Variants in CLASP1 observed in about 807,000 individuals in gnomAD.
CLASP1 encodes cytoplasmic linker associated protein 1.
A neutral mutation model predicts 192.3 loss-of-function variants in CLASP1; 38 were observed. The observed-to-expected ratio is 0.20, with a 90% CI of 0.15 to 0.26. CLASP1 has a LOEUF of 0.26. Ranked by LOEUF, CLASP1 falls within the 10% of genes least tolerant of loss-of-function variation. The pLI is 1.00. For synonymous variants in CLASP1, 691 were observed against 712.8 expected, an observed-to-expected ratio of 0.97 and a Z score of 0.49; for missense variants, 1,433 against 1,932.5, an observed-to-expected ratio of 0.74 and a Z score of 4.85.
rs2075308676 is a variant in CLASP1, at chr2:121,396,514, G to GT, written c.3123+625dup. Among the ~76,000 whole-genome samples, 4 of 152,328 alleles carry GT rather than the reference G, an allele frequency of 2.6e-5. No homozygotes were observed. The South Asian group carries it at 8.3e-4, about 32-fold the overall frequency. ...TGTTCTGATTAGAATAATAAGGACAGTAAGTCCTAGTTCAAATATTCTAAT... is the reference window on the plus strand; with the variant it reads ...TGTTCTGATTAGAATAATAAGGACAGTTAAGTCCTAGTTCAAATATTCTAAT... On this transcript the variant is annotated intron_variant, in intron 30 of 39. Coordinates refer to ENST00000263710, the Ensembl canonical transcript of CLASP1.
chr2:121,362,719 C>T (rs1011640847), intron 37 of CLASP1, among the ~76,000 whole-genome samples: 2 of 152,232 alleles, frequency 1.3e-5, no homozygotes, highest in Non-Finnish European at 2.9e-5. Flanking sequence ...ATTTTACACA[C>T]AAGGAAACGG....
At chr2:121,479,016 C>CCA (rs752871583) in intron 8 of CLASP1, among the ~76,000 whole-genome samples, 23 of 63,894 alleles carry the variant, frequency 3.6e-4, no homozygotes, top group Non-Finnish European at 4.5e-4. Flanking sequence ...CACACACACA[C>CCA]CACACACACA....
chr2:121,506,736 C>T (rs1027806814), intron 7 of CLASP1, among the ~76,000 whole-genome samples: 2 of 152,142 alleles, frequency 1.3e-5, no homozygotes, highest in African/African-American at 4.8e-5. Context: ...TGAAAGCATG[C>T]CCCCAAAACA....
At chr2:121,397,388 C>T (rs1442017956) in intron 29 of CLASP1, 105 bp from the exon 31 acceptor site, 2 of 922,740 alleles carry the variant, frequency 2.2e-6, no homozygotes, top group African/African-American at 3.3e-5. Context: ...GGGGGATCTC[C>T]TTCCTTTCTC....
At chr2:121,606,761 A>C (rs1447792515) in intron 1 of CLASP1, among the ~76,000 whole-genome samples, 1 of 152,248 alleles carries the variant, frequency 6.6e-6, no homozygotes, top group East Asian at 1.9e-4. Flanking sequence ...AAAGAAAGAC[A>C]CAAAAAGAGA....
intron 39 of CLASP1, among the ~76,000 whole-genome samples, chr2:121,344,432 A>C (rs957901238): frequency 1.3e-5 from 2 of 151,966 alleles, no homozygotes; most frequent in Non-Finnish European, 2.9e-5. Flanking sequence ...CCCAGGTTCA[A>C]GCGATTCTCC....
intron 2 of CLASP1, among the ~76,000 whole-genome samples, chr2:121,546,525 G>C (rs532319310): frequency 3.9e-5 from 6 of 152,080 alleles, no homozygotes; most frequent in African/African-American, 9.6e-5. Flanking sequence ...TGGAGCCAGG[G>C]GAACCTCCCC....
At chr2:121,354,423 T>C (rs1014466918) in intron 37 of CLASP1, among the ~76,000 whole-genome samples, 1 of 152,180 alleles carries the variant, frequency 6.6e-6, no homozygotes, top group Admixed American at 6.5e-5. Context: ...CCTCCTCCAT[T>C]TGTGCAGGTC....
intron 8 of CLASP1, among the ~76,000 whole-genome samples, chr2:121,486,404 A>T (rs1029492506): frequency 1.3e-5 from 2 of 152,246 alleles, no homozygotes; most frequent in Non-Finnish European, 2.9e-5. Flanking sequence ...TCAACACCTT[A>T]GATAATCTCT....
intron 8 of CLASP1, among the ~76,000 whole-genome samples, chr2:121,491,677 T>C (rs2093313974): frequency 6.6e-6 from 1 of 152,244 alleles, no homozygotes; most frequent in Non-Finnish European, 1.5e-5. Flanking sequence ...TATAGCAACA[T>C]ATTTTTAACT....
intron 34 of CLASP1, among the ~76,000 whole-genome samples, chr2:121,372,033 G>C (rs945585048): frequency 3.3e-5 from 5 of 152,206 alleles, no homozygotes; most frequent in Admixed American, 6.5e-5. Flanking sequence ...TACGTGTAAA[G>C]TTTATTTAAG....
chr2:121,621,081 A>T (rs1220009939), intron 1 of CLASP1, among the ~76,000 whole-genome samples: 1 of 152,024 alleles, frequency 6.6e-6, no homozygotes, highest in Non-Finnish European at 1.5e-5. Context: ...TTCAAAAATT[A>T]ATTGGTACAT....
intron 2 of CLASP1, among the ~76,000 whole-genome samples, chr2:121,573,232 T>C (rs573063358): frequency 6.6e-6 from 1 of 152,290 alleles, no homozygotes; most frequent in Admixed American, 6.5e-5. Context: ...AGTGCTGGGA[T>C]TACAGGCGTG....
At chr2:121,372,840 G>C (rs1338384294) in intron 34 of CLASP1, among the ~76,000 whole-genome samples, 1 of 152,148 alleles carries the variant, frequency 6.6e-6, no homozygotes, top group Non-Finnish European at 1.5e-5. Flanking sequence ...CATCCTTCCT[G>C]CTCTGAATCT....
intron 6 of CLASP1, among the ~76,000 whole-genome samples, chr2:121,517,178 A>C (rs1160696838): frequency 6.6e-6 from 1 of 152,266 alleles, no homozygotes; most frequent in Non-Finnish European, 1.5e-5. Context: ...TCTGTATGTT[A>C]AAAAATCTGC....
intron 23 of CLASP1, among the ~76,000 whole-genome samples, chr2:121,411,768 A>G (rs1252069224): frequency 6.6e-6 from 1 of 152,192 alleles, no homozygotes; most frequent in Non-Finnish European, 1.5e-5. Context: ...GTCCCATTAA[A>G]TCAGCTGACC....
intron 39 of CLASP1, among the ~76,000 whole-genome samples, chr2:121,345,545 A>T (rs2063342473): frequency 1.3e-5 from 2 of 152,192 alleles, no homozygotes; most frequent in South Asian, 2.1e-4. Context: ...GGTCAGCAGG[A>T]ATCACCTACA....
intron 2 of CLASP1, among the ~76,000 whole-genome samples, chr2:121,603,929 A>G (rs935442104): frequency 6.6e-6 from 1 of 152,178 alleles, no homozygotes; most frequent in African/African-American, 2.4e-5. Flanking sequence ...CAGGAGGAAG[A>G]GAGGTATAGG....
At chr2:121,626,527 A>G (rs2068399049) in intron 1 of CLASP1, among the ~76,000 whole-genome samples, 1 of 152,224 alleles carries the variant, frequency 6.6e-6, no homozygotes, top group African/African-American at 2.4e-5. Flanking sequence ...TTCAGAAGCA[A>G]AGTGACTTCT....
Sources: gnomAD v4.1 joint callset for allele counts (sites outside exome capture counted in the v4.1 genomes callset) on GRCh38, gnomAD v4.1.1 for gene constraint, MANE v1.5 for transcripts, NCBI Gene and HGNC (gene_info 2026-07-23, HGNC 2026-07-21) for gene names.